Variants in CR1 observed in about 807,000 individuals in gnomAD.
CR1 encodes the protein complement C3b/C4b receptor 1 (Knops blood group).
In CR1, 116 loss-of-function variants were observed where a neutral mutation model predicts 187.3. The observed-to-expected ratio is 0.62, with a 90% CI of 0.53 to 0.72. CR1 has a LOEUF of 0.72. Among genes scored for constraint, CR1 ranks in the 30% least tolerant of loss-of-function variants. CR1 has a pLI of 0.00. For synonymous variants in CR1, 576 were observed against 747.1 expected, an observed-to-expected ratio of 0.77 and a Z score of 3.73; for missense variants, 1,731 against 2,110.7, an observed-to-expected ratio of 0.82 and a Z score of 3.52.
rs1660721934 is a variant in CR1 at position 207,575,679 on chromosome 1, A to G, written c.4536A>G (p.Gln1512=). 1 of 1,611,808 alleles carries G rather than the reference A, an allele frequency of 6.2e-7. No homozygotes were observed. The highest frequency in any genetic ancestry group is 8.5e-7 in the Non-Finnish European group (1 of 1,179,692). Residue 1512 remains glutamine (Q), a splice_region_variant and synonymous_variant, in exon 28 of 47, where the codon CAA becomes CAG. Transcript: ENST00000367049. The part of the protein sequence containing the change: ...AHWSTKPPIC[Q]RIPCGLPPTI... ...GGAGCACGAAGCCGCCAATTTGTCA[A>G]CGTGAGTTGAAATCTCTTTCCCCAT...
chr1:207,613,675 G>T lies in CR1; in HGVS notation c.6576-729G>T, dbSNP rs900538722. Among the ~76,000 whole-genome samples the T allele has an allele frequency of 2.0e-5, 3 of 152,200 alleles. No homozygotes were observed. The East Asian group carries it at 5.8e-4, about 29-fold the overall frequency. The stretch of plus-strand genomic sequence containing the variant: ...GTGGTGTGCACTATGAGTCTGGAGG[G>T]ATAACTAGATTGGGCAATTAAGCAG... On this transcript the variant is annotated intron_variant, in intron 39 of 46. Coordinates refer to ENST00000367049, the MANE Select transcript of CR1 (RefSeq NM_000651.6).
intron 43 of CR1, 106 bp from the exon 44 acceptor site, chr1:207,621,867 A>T (rs1662323234): frequency 2.4e-6 from 2 of 833,056 alleles, no homozygotes; most frequent in Admixed American, 3.0e-5. Context: ...AAAATATTAG[A>T]CTGAGTCCTG....
Position 207,567,911 on chromosome 1 carries a change from A to G in CR1, c.4040A>G (p.Asn1347Ser), listed in dbSNP as rs745504173. ...LEVFPFGKAV[N>S]YTCDPHPDRG... ...GTCTTTCCCTTTGGAAAAGCAGTAA[A>G]TTACACATGCGACCCCCACCCAGAC... Residue 1347 changes from asparagine (N) to serine (S), a missense_variant, in exon 25 of 47, where the codon AAT becomes AGT. By Grantham distance (46) the Asn-to-Ser change is conservative. This residue lies in a region of CR1 where 1,312 missense variants were observed against 1,379.6 expected (regional missense o/e 0.95). Transcript: ENST00000367049. 6.2e-7 allele frequency: 1 copy of G among 1,610,716 alleles called. No individual in the cohort carries two copies.
chr1:207,499,581 C>T lies in CR1; in HGVS notation c.121+3193C>T, dbSNP rs146065984. On this transcript the variant is annotated intron_variant, in intron 1 of 46. Transcript: ENST00000367049. ...GATGACTTCATCCACAACAGCAGAGCACATATTCTCCCGCTTACATTCATG... is the reference window on the plus strand; with the variant it reads ...GATGACTTCATCCACAACAGCAGAGTACATATTCTCCCGCTTACATTCATG... 8.4e-3 allele frequency among the ~76,000 whole-genome samples: 1,275 copies of T among 152,284 alleles called. 18 individuals are homozygous for T. The highest frequency in any genetic ancestry group is 0.029 in the African/African-American group (1,187 of 41,550).
chr1:207,578,317 A>G, intron 29 of CR1, 114 bp downstream of exon 29: 1 of 1,582,748 alleles, frequency 6.3e-7, no homozygotes, highest in Non-Finnish European at 8.6e-7. Context: ...TGGGAAAGTA[A>G]GTTTTGGGGG....
intron 2 of CR1, 48 bp from the exon 3 acceptor site, chr1:207,506,666 T>A: frequency 6.5e-7 from 1 of 1,550,092 alleles, no homozygotes; most frequent in Non-Finnish European, 8.9e-7. Context: ...CTAAAAAAAG[T>A]TTTTAGTTTA....
chr1:207,516,250 T>C (rs78301018), intron 4 of CR1, among the ~76,000 whole-genome samples: 2,387 of 152,246 alleles, frequency 0.016, 25 homozygotes, highest in Non-Finnish European at 0.022. Flanking sequence ...TATCATCTAT[T>C]AAAAAGACTA....
At chr1:207,586,875 A>G (rs1484565965) in intron 33 of CR1, among the ~76,000 whole-genome samples, 1 of 152,180 alleles carries the variant, frequency 6.6e-6, no homozygotes, top group Non-Finnish European at 1.5e-5. Flanking sequence ...CCATTATTCC[A>G]AATAAGTTTC....
intron 42 of CR1, among the ~76,000 whole-genome samples, chr1:207,618,858 T>G (rs1662223700): frequency 6.6e-6 from 1 of 150,962 alleles, no homozygotes; most frequent in Non-Finnish European, 1.5e-5. Context: ...CTGGCCAACA[T>G]GGTGAAACCC....
chr1:207,598,359 T>C (rs1661507171), intron 35 of CR1, among the ~76,000 whole-genome samples: 1 of 151,788 alleles, frequency 6.6e-6, no homozygotes, highest in Non-Finnish European at 1.5e-5. Flanking sequence ...ACATATCAAA[T>C]AAGATTTAAA....
At position 207,593,273 on chromosome 1, in the gene CR1, G is replaced by T. The variant is rs553426069; in HGVS notation, c.5810+4499G>T. Among the ~76,000 whole-genome samples the T allele has an allele frequency of 4.6e-5, 7 of 152,098 alleles. No homozygotes were observed. The South Asian group carries it at 1.5e-3, about 32-fold the overall frequency. ...ACCAAAACAGATATATAGACCAATG[G>T]AACAGAACAGAGGCCTCAGAAATAA... is the stretch of plus-strand genomic sequence containing the variant. On this transcript the variant is annotated intron_variant, in intron 35 of 46. Coordinates refer to ENST00000367049, the MANE Select transcript of CR1 (RefSeq NM_000651.6).
At position 207,568,153 on chromosome 1, in the gene CR1, A is replaced by G. The variant is rs1194845716; in HGVS notation, c.4171+111A>G. 47 of 1,578,352 alleles carry G rather than the reference A, an allele frequency of 3.0e-5. 1 individual carries two copies. Among genetic ancestry groups the G allele is most frequent in the Admixed American group, 8.9e-5 (5 of 56,368 alleles). On this transcript the variant is annotated intron_variant, in intron 25 of 46. Transcript: ENST00000367049. Reference sequence around the variant, plus strand: ...TATTTGTATGTATGCATTTGCCACAATGGAATGCCAAACCAATGATAGATG... The same window carrying G: ...TATTTGTATGTATGCATTTGCCACAGTGGAATGCCAAACCAATGATAGATG...
chr1:207,578,435 C>T (rs559036967), intron 29 of CR1, among the ~76,000 whole-genome samples: 3 of 152,306 alleles, frequency 2.0e-5, no homozygotes, highest in African/African-American at 7.2e-5. Flanking sequence ...TTTGGACTCA[C>T]CTATTATTTG....
chr1:207,604,157 C>G (rs1211444776), intron 35 of CR1, among the ~76,000 whole-genome samples: 1 of 152,166 alleles, frequency 6.6e-6, no homozygotes, highest in Non-Finnish European at 1.5e-5. Flanking sequence ...TATAAGGAAG[C>G]TAAACTTTTC....
chr1:207,625,637 A>G (rs1467368756), intron 45 of CR1, among the ~76,000 whole-genome samples: 1 of 152,210 alleles, frequency 6.6e-6, no homozygotes, highest in Admixed American at 6.5e-5. Flanking sequence ...AGTCTCCCCA[A>G]GAACACAGGG....
intron 41 of CR1, among the ~76,000 whole-genome samples, chr1:207,617,060 T>C (rs1473342365): frequency 1.3e-5 from 2 of 151,962 alleles, no homozygotes; most frequent in Non-Finnish European, 2.9e-5. Context: ...TGAAGAGAAT[T>C]GATGAGGTCC....
In CR1 at chr1:207,505,993, T is replaced by C. The variant is rs757833188; in HGVS notation, c.211T>C (p.Tyr71His). The C allele has an allele frequency of 6.2e-7, 1 of 1,613,890 alleles. No homozygotes were observed. Among genetic ancestry groups the C allele is most frequent in the East Asian group, 2.2e-5 (1 of 44,898 alleles). Residue 71 changes from tyrosine (Y) to histidine (H), a missense_variant, in exon 2 of 47, where the codon TAT becomes CAT. By Grantham distance (83) the Tyr-to-His change is moderately conservative (BLOSUM62 2). Coordinates refer to ENST00000367049, the MANE Select transcript of CR1 (RefSeq NM_000651.6). ...FEFPIGTYLN[Y>H]ECRPGYSGRP... Reference sequence around the variant, plus strand: ...GTTTCCCATTGGGACATATCTGAACTATGAATGCCGCCCTGGTTATTCCGG... The same window carrying C: ...GTTTCCCATTGGGACATATCTGAACCATGAATGCCGCCCTGGTTATTCCGG...
chr1:207,497,114 C>A lies in CR1; in HGVS notation c.121+726C>A, dbSNP rs1427314854. On this transcript the variant is annotated intron_variant, in intron 1 of 46. Coordinates refer to ENST00000367049, the MANE Select transcript of CR1 (RefSeq NM_000651.6). Reference sequence around the variant, plus strand: ...CAGCATACTTTAAGACAGATGCATGCCAGGCACTTGCGGATTAGAAGAGCA... The same window carrying A: ...CAGCATACTTTAAGACAGATGCATGACAGGCACTTGCGGATTAGAAGAGCA... 2.0e-5 allele frequency among the ~76,000 whole-genome samples: 3 copies of A among 152,214 alleles called. No homozygotes were observed. The East Asian group carries it at 5.8e-4, about 29-fold the overall frequency.
intron 23 of CR1, among the ~76,000 whole-genome samples, chr1:207,564,522 A>G (rs1348489429): frequency 6.7e-6 from 1 of 150,328 alleles, no homozygotes; most frequent in Non-Finnish European, 1.5e-5. Context: ...AATATCAGCC[A>G]GGCACGGTGG....
Sources: gnomAD v4.1 joint callset for allele counts (sites outside exome capture counted in the v4.1 genomes callset) on GRCh38, gnomAD v4.1.1 for gene constraint, gnomAD v4.1.1 regional missense constraint, MANE v1.5 for transcripts, NCBI Gene and HGNC (gene_info 2026-07-23, HGNC 2026-07-21) for gene names.